The following SLC44A1 variants were observed in gnomAD, a reference collection of about 807,000 sequenced individuals.
SLC44A1 encodes the protein choline transporter-like protein 1.
In SLC44A1, 26 loss-of-function variants were observed where a neutral mutation model predicts 79.3. That is an observed-to-expected ratio of 0.33 (90% CI 0.24 to 0.46). SLC44A1 has a LOEUF of 0.46. Ranked by LOEUF, SLC44A1 falls within the 20% of genes least tolerant of loss-of-function variation. The probability of loss-of-function intolerance (pLI) is 1.00; values close to 1 mark genes in which losing one functional copy is unlikely to be tolerated. For synonymous variants in SLC44A1, 263 were observed against 286.2 expected, an observed-to-expected ratio of 0.92 and a Z score of 0.82; for missense variants, 688 against 798.1, an observed-to-expected ratio of 0.86 and a Z score of 1.66.
chr9:105,289,848 C>G (rs1193061445), intron 1 of SLC44A1, among the ~76,000 whole-genome samples: 1 of 147,456 alleles, frequency 6.8e-6, no homozygotes, highest in Non-Finnish European at 1.5e-5. Flanking sequence ...GAATTTTGCT[C>G]TGTTGCCCAG....
At chr9:105,286,740 A>T (rs1396754215) in intron 1 of SLC44A1, among the ~76,000 whole-genome samples, 1 of 152,124 alleles carries the variant, frequency 6.6e-6, no homozygotes, top group Admixed American at 6.5e-5. Flanking sequence ...GGGCAGGAGG[A>T]TCACTTAAGG....
chr9:105,262,139 T>C (rs1336670453), intron 1 of SLC44A1, among the ~76,000 whole-genome samples: 7 of 152,168 alleles, frequency 4.6e-5, no homozygotes, highest in Non-Finnish European at 1.0e-4. Context: ...AAAACACTGA[T>C]AATTCCTTGC....
intron 12 of SLC44A1, among the ~76,000 whole-genome samples, chr9:105,374,135 G>A (rs1209994069): frequency 6.6e-6 from 1 of 152,192 alleles, no homozygotes; most frequent in African/African-American, 2.4e-5. Flanking sequence ...TGAGAGGATA[G>A]AAGAAAGCCA....
intron 2 of SLC44A1, 90 bp downstream of exon 2, chr9:105,299,399 A>G (rs1830817702): frequency 2.6e-6 from 2 of 765,590 alleles, no homozygotes; most frequent in Non-Finnish European, 4.1e-6. Flanking sequence ...TGTGGAATAT[A>G]CCAGTCCTCA....
intron 15 of SLC44A1, among the ~76,000 whole-genome samples, chr9:105,416,354 GC>G (rs1829170600): frequency 6.6e-6 from 1 of 152,088 alleles, no homozygotes; most frequent in Admixed American, 6.5e-5. Flanking sequence ...ACTTTCCTGA[GC>G]ACCTACTATA....
chr9:105,371,720 CAAAAAAAAAA>C (rs776993058), intron 12 of SLC44A1, among the ~76,000 whole-genome samples: 2 of 94,284 alleles, frequency 2.1e-5, no homozygotes, highest in South Asian at 4.3e-4. Context: ...CTCCATCTCA[CAAAAAAAAAA>C]AAAAAAAAAA....
intron 12 of SLC44A1, among the ~76,000 whole-genome samples, chr9:105,373,457 C>T (rs1405246010): frequency 6.6e-6 from 1 of 152,040 alleles, no homozygotes; most frequent in African/African-American, 2.4e-5. Context: ...GGTCAAAGAG[C>T]ACATGGGGCA....
chr9:105,262,425 G>GTCCCATAGAAAAGGTAATTACCATAT (rs1829863310), intron 1 of SLC44A1, among the ~76,000 whole-genome samples: 1 of 152,162 alleles, frequency 6.6e-6, no homozygotes, highest in Non-Finnish European at 1.5e-5. Flanking sequence ...AGAAAAGATT[G>GTCCCATAGAAAAGGTAATTACCATAT]TACCTATAAT....
At chr9:105,362,153 A>G (rs1827802347) in intron 8 of SLC44A1, among the ~76,000 whole-genome samples, 1 of 152,200 alleles carries the variant, frequency 6.6e-6, no homozygotes, top group Non-Finnish European at 1.5e-5. Flanking sequence ...TAAATAATTT[A>G]TATGTATACC....
At chr9:105,379,022 C>G (rs796345046) in intron 13 of SLC44A1, among the ~76,000 whole-genome samples, 4 of 152,332 alleles carry the variant, frequency 2.6e-5, no homozygotes, top group African/African-American at 9.6e-5. Flanking sequence ...CGCCTGTAAT[C>G]CCAACACTTT....
intron 1 of SLC44A1, among the ~76,000 whole-genome samples, chr9:105,252,354 A>G (rs1393235993): frequency 6.6e-6 from 1 of 152,204 alleles, no homozygotes; most frequent in Non-Finnish European, 1.5e-5. Context: ...CTCATGAAAT[A>G]TTTGAATGAA....
At chr9:105,292,679 A>G (rs76288253) in intron 1 of SLC44A1, among the ~76,000 whole-genome samples, 3,413 of 152,276 alleles carry the variant, frequency 0.022, 118 homozygotes, top group African/African-American at 0.077. Context: ...AACAGTTCTC[A>G]CAAACGTTTC....
At chr9:105,404,569 T>C (rs962406839) in intron 15 of SLC44A1, among the ~76,000 whole-genome samples, 2 of 152,232 alleles carry the variant, frequency 1.3e-5, no homozygotes, top group African/African-American at 4.8e-5. Flanking sequence ...TTGTCCTCTC[T>C]GCCTATTTTC....
At chr9:105,399,497 C>T (rs2131497147), downstream of SLC44A1, among the ~76,000 whole-genome samples, 1 of 142,948 alleles carries the variant, frequency 7.0e-6, no homozygotes, top group South Asian at 2.5e-4. Context: ...AACACACACA[C>T]ACACAAGTTG....
At chr9:105,417,744 T>C (rs1829190001) in intron 15 of SLC44A1, among the ~76,000 whole-genome samples, 1 of 150,910 alleles carries the variant, frequency 6.6e-6, no homozygotes, top group Non-Finnish European at 1.5e-5. Context: ...GGCTTATACC[T>C]GTAATCCCAG....
intron 15 of SLC44A1, among the ~76,000 whole-genome samples, chr9:105,413,494 A>C (rs1329770061): frequency 6.6e-6 from 1 of 152,210 alleles, no homozygotes; most frequent in African/African-American, 2.4e-5. Flanking sequence ...ACATATTACA[A>C]ACACCAACAG....
chr9:105,270,671 A>C (rs1176028955), intron 1 of SLC44A1, among the ~76,000 whole-genome samples: 1 of 152,000 alleles, frequency 6.6e-6, no homozygotes, highest in Non-Finnish European at 1.5e-5. Context: ...CCTAGCTGTC[A>C]TTTTCTGTTT....
chr9:105,354,272 G>C (rs1158507665), intron 5 of SLC44A1, among the ~76,000 whole-genome samples: 3 of 151,178 alleles, frequency 2.0e-5, no homozygotes, highest in Non-Finnish European at 4.4e-5. Context: ...GGATGGTCTC[G>C]ATCTCCTGAC....
At chr9:105,282,815 G>C (rs1830388071) in intron 1 of SLC44A1, among the ~76,000 whole-genome samples, 2 of 152,158 alleles carry the variant, frequency 1.3e-5, no homozygotes, top group Admixed American at 1.3e-4. Flanking sequence ...CAAAGTGCTG[G>C]GATTACAGGC....
Sources: allele counts gnomAD v4.1 joint callset (sites outside exome capture counted in the v4.1 genomes callset), GRCh38; gene constraint gnomAD v4.1.1; transcripts MANE v1.5; gene names NCBI Gene and HGNC (gene_info 2026-07-23, HGNC 2026-07-21).